The following PALM2AKAP2 variants were observed in gnomAD, a reference collection of about 807,000 sequenced individuals.
PALM2AKAP2 encodes the protein PALM2 and AKAP2 fusion.
Under a neutral mutation model 71.5 loss-of-function variants are expected in PALM2AKAP2, and 37 were observed. That is an observed-to-expected ratio of 0.52 (90% CI 0.40 to 0.68). The LOEUF (loss-of-function observed/expected upper bound fraction) is 0.68. Ranked by LOEUF, PALM2AKAP2 falls within the 30% of genes least tolerant of loss-of-function variation. PALM2AKAP2 has a pLI of 0.00. For missense variants in PALM2AKAP2, 1,224 were observed against 1,191.8 expected, an observed-to-expected ratio of 1.03 and a Z score of -0.40; for synonymous variants, 468 against 478.8, an observed-to-expected ratio of 0.98 and a Z score of 0.29.
At chr9:109,647,807 T>A (rs1259247936) in intron 1 of PALM2AKAP2, among the ~76,000 whole-genome samples, 3 of 152,210 alleles carry the variant, frequency 2.0e-5, no homozygotes, top group African/African-American at 7.2e-5. Flanking sequence ...TCTCATTGAC[T>A]TTTAAAAGTG....
intron 6 of PALM2AKAP2, among the ~76,000 whole-genome samples, chr9:109,966,390 A>C (rs1831951192): frequency 6.6e-6 from 1 of 152,208 alleles, no homozygotes; most frequent in East Asian, 1.9e-4. Flanking sequence ...GAATAGCTCA[A>C]CCCTGGAGCC....
intron 1 of PALM2AKAP2, among the ~76,000 whole-genome samples, chr9:110,086,131 C>T (rs1834568665): frequency 6.8e-6 from 1 of 147,776 alleles, no homozygotes; most frequent in African/African-American, 2.5e-5. Context: ...AAAGAAATAA[C>T]TACAAAGAGT....
intron 1 of PALM2AKAP2, among the ~76,000 whole-genome samples, chr9:109,782,214 A>G (rs1474772658): frequency 6.6e-6 from 1 of 152,224 alleles, no homozygotes. Context: ...TCGATTTTCC[A>G]AGAAAGATCT....
intron 1 of PALM2AKAP2, among the ~76,000 whole-genome samples, chr9:109,828,241 T>C (rs1587939321): frequency 6.6e-6 from 1 of 152,228 alleles, no homozygotes; most frequent in Non-Finnish European, 1.5e-5. Flanking sequence ...TATGTGTGTA[T>C]GTTTCCATGT....
chr9:109,744,912 C>A (rs17202392), intron 1 of PALM2AKAP2, among the ~76,000 whole-genome samples: 4 of 151,958 alleles, frequency 2.6e-5, no homozygotes, highest in Non-Finnish European at 5.9e-5. Context: ...TCCTCTCTTC[C>A]GGAAGACTCT....
rs558156631 is a variant in PALM2AKAP2, at chr9:109,842,996, C to T, written c.46-24495C>T. Among the ~76,000 whole-genome samples the T allele has an allele frequency of 1.3e-4, 20 of 151,918 alleles. No homozygotes were observed. The East Asian group carries it at 3.7e-3, about 28-fold the overall frequency. On this transcript the variant is annotated intron_variant, in intron 1 of 9. Transcript: ENST00000302798. ...TCTCTACTAAAAATACAAAATTTGC[C>T]GGGCGTGGTGGCGCATGCTTGTAAT... is the stretch of plus-strand genomic sequence containing the variant.
intron 6 of PALM2AKAP2, among the ~76,000 whole-genome samples, chr9:110,014,212 A>G (rs1832930818): frequency 6.6e-6 from 1 of 152,232 alleles, no homozygotes; most frequent in South Asian, 2.1e-4. Flanking sequence ...AGCTATCCTT[A>G]GATAACTATC....
At chr9:109,761,392 T>C (rs1176996494) in intron 1 of PALM2AKAP2, among the ~76,000 whole-genome samples, 1 of 152,214 alleles carries the variant, frequency 6.6e-6, no homozygotes, top group Non-Finnish European at 1.5e-5. Context: ...AGTTTCGGGA[T>C]ACATGTGCAG....
chr9:109,810,709 T>C (rs535836115), intron 1 of PALM2AKAP2, among the ~76,000 whole-genome samples: 2 of 152,100 alleles, frequency 1.3e-5, no homozygotes, highest in East Asian at 1.9e-4. Context: ...TTTAGAGATA[T>C]GACAGTATGT....
intron 3 of PALM2AKAP2, among the ~76,000 whole-genome samples, chr9:109,884,738 C>A (rs1296532787): frequency 6.6e-6 from 1 of 152,160 alleles, no homozygotes; most frequent in African/African-American, 2.4e-5. Flanking sequence ...CAATTAGATT[C>A]TCCTAAAGAG....
Position 109,862,131 on chromosome 9 carries a change from A to G in PALM2AKAP2, c.46-5360A>G, listed in dbSNP as rs548070612. On this transcript the variant is annotated intron_variant, in intron 1 of 9. Transcript: ENST00000302798. ...AGTGCTTGAGGTCTAATGTAGAAAA[A>G]TCCACAGCCTGTGGGGAGGGAAGAG... Among the ~76,000 whole-genome samples the G allele has an allele frequency of 8.5e-5, 13 of 152,308 alleles. No homozygotes were observed. In the South Asian group the frequency reaches 2.7e-3, roughly 32 times the overall value.
chr9:109,831,790 A>G (rs2131540881), intron 1 of PALM2AKAP2, among the ~76,000 whole-genome samples: 1 of 152,326 alleles, frequency 6.6e-6, no homozygotes, highest in Non-Finnish European at 1.5e-5. Flanking sequence ...TTAAGTCAGT[A>G]TGGAACTCTA....
At chr9:109,889,202 T>C (rs551084500) in intron 3 of PALM2AKAP2, among the ~76,000 whole-genome samples, 2 of 152,214 alleles carry the variant, frequency 1.3e-5, no homozygotes, top group Non-Finnish European at 2.9e-5. Flanking sequence ...TAAAAAGAAA[T>C]AGTTGCTTTT....
chr9:109,918,933 G>T (rs1032924877), intron 3 of PALM2AKAP2, among the ~76,000 whole-genome samples: 1 of 151,952 alleles, frequency 6.6e-6, no homozygotes, highest in East Asian at 1.9e-4. Context: ...CAGTTACACA[G>T]TATCATGACC....
intron 1 of PALM2AKAP2, among the ~76,000 whole-genome samples, chr9:109,764,266 C>T (rs1829108955): frequency 6.6e-6 from 1 of 152,068 alleles, no homozygotes; most frequent in African/African-American, 2.4e-5. Context: ...TGAACTAGAC[C>T]CAACCTGGAG....
At chr9:110,000,757 T>C (rs1832667352) in intron 6 of PALM2AKAP2, among the ~76,000 whole-genome samples, 1 of 152,278 alleles carries the variant, frequency 6.6e-6, no homozygotes, top group Admixed American at 6.5e-5. Context: ...ATTTCTCTGA[T>C]AACCAGTGAT....
intron 1 of PALM2AKAP2, among the ~76,000 whole-genome samples, chr9:109,800,204 G>C (rs1253115883): frequency 6.6e-6 from 1 of 152,200 alleles, no homozygotes; most frequent in African/African-American, 2.4e-5. Flanking sequence ...TAAATCAGAG[G>C]AGCATATTTC....
intron 1 of PALM2AKAP2, among the ~76,000 whole-genome samples, chr9:109,691,377 A>G (rs1042114986): frequency 2.6e-5 from 4 of 151,842 alleles, no homozygotes; most frequent in African/African-American, 9.7e-5. Flanking sequence ...AGCCTCTTGG[A>G]TCTTTGAGAG....
chr9:109,738,372 C>T (rs1465947887), intron 1 of PALM2AKAP2, among the ~76,000 whole-genome samples: 1 of 152,084 alleles, frequency 6.6e-6, no homozygotes, highest in African/African-American at 2.4e-5. Flanking sequence ...AAGTAAAAGT[C>T]ATACAGTTAG....
Sources: gnomAD v4.1 joint callset for allele counts (sites outside exome capture counted in the v4.1 genomes callset) on GRCh38, gnomAD v4.1.1 for gene constraint, MANE v1.5 for transcripts, NCBI Gene and HGNC (gene_info 2026-07-23, HGNC 2026-07-21) for gene names.